SRGAP3: variants seen among roughly 807,000 people sequenced by gnomAD.
SRGAP3 encodes the protein SLIT-ROBO Rho GTPase activating protein 3.
In SRGAP3, 39 loss-of-function variants were observed where a neutral mutation model predicts 121.1. The observed-to-expected ratio is 0.32, with a 90% CI of 0.25 to 0.42. The LOEUF (loss-of-function observed/expected upper bound fraction) is 0.42. SRGAP3 is among the 10% of genes least tolerant of loss of function. The probability of loss-of-function intolerance (pLI) is 1.00; values close to 1 mark genes in which losing one functional copy is unlikely to be tolerated. For synonymous variants in SRGAP3, 601 were observed against 570.0 expected (o/e 1.05, Z -0.77); for missense variants, 1,213 against 1,470.6 (o/e 0.82, Z 2.86).
intron 3 of SRGAP3, among the ~76,000 whole-genome samples, chr3:9,295,851 AT>A (rs1954945208): frequency 6.6e-6 from 1 of 152,154 alleles, no homozygotes; most frequent in Non-Finnish European, 1.5e-5. Context: ...TTCTCTATGT[AT>A]TTGACTAATC....
chr3:9,110,862 A>C (rs1948598118), intron 2 of SRGAP3, among the ~76,000 whole-genome samples: 1 of 152,260 alleles, frequency 6.6e-6, no homozygotes, highest in African/African-American at 2.4e-5. Flanking sequence ...TGAAAGAAGA[A>C]GGCCCACAGG....
At position 8,992,881 on chromosome 3, in the gene SRGAP3, G is replaced by T. The variant is rs899079422; in HGVS notation, c.2558+25C>A. 6.8e-6 allele frequency: 11 copies of T among 1,613,872 alleles called. No homozygotes were observed. The African/African-American group carries it at 1.5e-4, about 22-fold the overall frequency. ...CATGAACAGGATTGACACCAGCAGG[G>T]AAAAAATGAATCCGCATATCCTACC... On this transcript the variant is annotated intron_variant, in intron 20 of 21. Transcript: ENST00000383836.
rs1367380511 is a variant in SRGAP3 at position 8,981,772 on chromosome 3, G to A, written c.*3747C>T. 1 of 229,748 alleles carries A rather than the reference G, an allele frequency of 4.4e-6. No individual in the cohort carries two copies. The highest frequency in any genetic ancestry group is 2.2e-5 in the African/African-American group (1 of 45,112). 14.2% of individuals were successfully genotyped at this position (229,748 alleles called of 1,614,324 possible). ...CCAAAATATGGCTCAATTTCCCTGT[G>A]TCTCTTCCCACTCCGATTTCTTCAT... On this transcript the variant is annotated 3_prime_UTR_variant, in exon 22 of 22. Transcript: ENST00000383836.
chr3:9,159,738 CA>C (rs752001518), intron 1 of SRGAP3, among the ~76,000 whole-genome samples: 11 of 152,220 alleles, frequency 7.2e-5, no homozygotes, highest in Non-Finnish European at 1.6e-4. Context: ...GTAAGAACCA[CA>C]TCTCACACTT....
chr3:9,151,535 G>A (rs943920996), intron 1 of SRGAP3, among the ~76,000 whole-genome samples: 1 of 152,240 alleles, frequency 6.6e-6, no homozygotes. Flanking sequence ...TTGGAAAGGA[G>A]AGAATGAAGC....
chr3:9,219,313 A>G (rs1952728578), intron 1 of SRGAP3: 2 of 152,136 alleles, frequency 1.3e-5, no homozygotes, highest in South Asian at 4.1e-4. Flanking sequence ...TACTGCAGGA[A>G]GTTCCAATCA....
intron 1 of SRGAP3, among the ~76,000 whole-genome samples, chr3:9,333,485 CCTT>C (rs553576124): frequency 1.5e-3 from 236 of 152,274 alleles, no homozygotes; most frequent in African/African-American, 5.2e-3. Flanking sequence ...TCTAATTCCT[CCTT>C]GTCTTGAACC....
intron 3 of SRGAP3, among the ~76,000 whole-genome samples, chr3:9,090,256 G>A (rs1947696225): frequency 6.6e-6 from 1 of 152,052 alleles, no homozygotes; most frequent in Non-Finnish European, 1.5e-5. Context: ...CAGATCCCTG[G>A]CTTTAAAGAG....
chr3:9,040,415 G>C (rs934172779), intron 10 of SRGAP3, among the ~76,000 whole-genome samples: 1 of 152,104 alleles, frequency 6.6e-6, no homozygotes, highest in Non-Finnish European at 1.5e-5. Context: ...CCTCAAGTAG[G>C]CGTTTGCATT....
chr3:9,137,714 CT>C (rs1421970838), intron 1 of SRGAP3, among the ~76,000 whole-genome samples: 1 of 152,138 alleles, frequency 6.6e-6, no homozygotes, highest in African/African-American at 2.4e-5. Context: ...ACCAGTGCCC[CT>C]GAATAGGAAG....
intron 1 of SRGAP3, among the ~76,000 whole-genome samples, chr3:9,146,486 G>A (rs1165440654): frequency 6.6e-6 from 1 of 152,166 alleles, no homozygotes; most frequent in African/African-American, 2.4e-5. Flanking sequence ...TTAATGAAAA[G>A]GAAGCCAGTC....
chr3:9,235,358 T>C (rs953578949), intron 1 of SRGAP3, among the ~76,000 whole-genome samples: 10 of 152,146 alleles, frequency 6.6e-5, no homozygotes, highest in Non-Finnish European at 1.5e-4. Context: ...AGGAAATACA[T>C]TGAATGTTTA....
intron 1 of SRGAP3, among the ~76,000 whole-genome samples, chr3:9,156,790 G>A (rs1448458175): frequency 6.6e-6 from 1 of 152,158 alleles, no homozygotes; most frequent in Non-Finnish European, 1.5e-5. Flanking sequence ...TTTCCCAAGG[G>A]ACTTGGACTA....
At chr3:9,243,208 C>CCTTG (rs1953709571) in intron 1 of SRGAP3, among the ~76,000 whole-genome samples, 1 of 152,062 alleles carries the variant, frequency 6.6e-6, no homozygotes, top group Non-Finnish European at 1.5e-5. Context: ...TGGAAGAAGG[C>CCTTG]ATCATTTGAG....
At chr3:9,288,218 A>C (rs907016083) in intron 3 of SRGAP3, among the ~76,000 whole-genome samples, 3 of 149,706 alleles carry the variant, frequency 2.0e-5, no homozygotes, top group Non-Finnish European at 4.4e-5. Context: ...GCTCACTGCA[A>C]CCTCTGCCTC....
At chr3:9,226,212 T>G (rs1952984714) in intron 1 of SRGAP3, among the ~76,000 whole-genome samples, 1 of 152,232 alleles carries the variant, frequency 6.6e-6, no homozygotes, top group Non-Finnish European at 1.5e-5. Context: ...TGGTAAGAAC[T>G]GGAAGTTTAC....
intron 1 of SRGAP3, among the ~76,000 whole-genome samples, chr3:9,208,407 C>T (rs1434177598): frequency 6.6e-6 from 1 of 152,196 alleles, no homozygotes; most frequent in Non-Finnish European, 1.5e-5. Context: ...ATCCAACTGC[C>T]AAGAGTCAGC....
At chr3:9,009,361 G>A (rs1943243514) in intron 18 of SRGAP3, among the ~76,000 whole-genome samples, 1 of 152,092 alleles carries the variant, frequency 6.6e-6, no homozygotes, top group Non-Finnish European at 1.5e-5. Context: ...TATCCCAGGT[G>A]CTTGGTGCAT....
At chr3:9,307,918 G>A (rs1955183933) in intron 3 of SRGAP3, among the ~76,000 whole-genome samples, 1 of 152,238 alleles carries the variant, frequency 6.6e-6, no homozygotes, top group African/African-American at 2.4e-5. Flanking sequence ...ACTTTGGGAG[G>A]CCAAAGCGGG....
Sources: gnomAD v4.1 joint callset for allele counts (sites outside exome capture counted in the v4.1 genomes callset) on GRCh38, gnomAD v4.1.1 for gene constraint, MANE v1.5 for transcripts, NCBI Gene and HGNC (gene_info 2026-07-23, HGNC 2026-07-21) for gene names.